The following MRPL48 variants were observed in gnomAD, a reference collection of about 807,000 sequenced individuals.
MRPL48 encodes the protein mitochondrial ribosomal protein L48, also known as large ribosomal subunit protein mL48.
In MRPL48, 16 loss-of-function variants were observed where a neutral mutation model predicts 32.9. That is an observed-to-expected ratio of 0.49 (90% CI 0.33 to 0.74). MRPL48 has a LOEUF of 0.74. Among genes scored for constraint, MRPL48 ranks in the 30% least tolerant of loss-of-function variants. The pLI, the probability that MRPL48 is intolerant of heterozygous loss-of-function variation, is 0.02. For missense variants in MRPL48, 206 were observed against 245.3 expected (o/e 0.84, Z 1.07); for synonymous variants, 94 against 89.2 (o/e 1.05, Z -0.31).
At chr11:73,863,709 G>A (rs778795256) in intron 7 of MRPL48, among the ~76,000 whole-genome samples, 21 of 152,204 alleles carry the variant, frequency 1.4e-4, no homozygotes, top group Non-Finnish European at 2.4e-4. Context: ...TGTTTGGTCA[G>A]GCATGGAAAA....
intron 3 of MRPL48, among the ~76,000 whole-genome samples, chr11:73,824,292 T>C (rs1288844953): frequency 6.6e-6 from 1 of 152,120 alleles, no homozygotes; most frequent in African/African-American, 2.4e-5. Context: ...AAGTTAGATG[T>C]TTTGTAAAAC....
intron 1 of MRPL48, among the ~76,000 whole-genome samples, chr11:73,798,804 A>G (rs986512500): frequency 8.5e-5 from 13 of 152,080 alleles, no homozygotes; most frequent in Admixed American, 4.6e-4. Flanking sequence ...AGCCTGGCCA[A>G]CATAGTGAAA....
chr11:73,864,445 T>TC lies in MRPL48; in HGVS notation c.*76dup. 6.9e-7 allele frequency: 1 copy of TC among 1,439,132 alleles called. No homozygotes were observed. The highest frequency in any genetic ancestry group is 9.7e-7 in the Non-Finnish European group (1 of 1,033,438). 89.1% of individuals were successfully genotyped at this position (1,439,132 alleles called of 1,614,324 possible). On this transcript the variant is annotated 3_prime_UTR_variant, in exon 8 of 8. Transcript: ENST00000310614. ...GAAGAGCTTACTGGGTAGTTAGAGT[T>TC]CATCAGGAGACCCAACCCTTAGATT...
chr11:73,852,393 C>CAAAAAA (rs10554131), intron 5 of MRPL48, among the ~76,000 whole-genome samples: 53 of 83,154 alleles, frequency 6.4e-4, no homozygotes, highest in Middle Eastern at 6.3e-3. Flanking sequence ...AACTCTATAG[C>CAAAAAA]AAAAAAAAAA....
chr11:73,825,536 G>A (rs369851016), intron 3 of MRPL48, among the ~76,000 whole-genome samples, 172 bp from the exon 4 acceptor site: 13 of 151,966 alleles, frequency 8.6e-5, no homozygotes, highest in African/African-American at 2.9e-4. Flanking sequence ...CGGCGGGGAG[G>A]GGGGTGTGGG....
At chr11:73,788,082 C>A (rs1947075497) in intron 1 of MRPL48, 90 bp downstream of exon 1, 2 of 1,554,318 alleles carry the variant, frequency 1.3e-6, no homozygotes, top group African/African-American at 1.4e-5. Flanking sequence ...GGGGAGGTGG[C>A]GGCGCGCGGA....
chr11:73,812,602 G>C (rs1203212399), intron 3 of MRPL48, among the ~76,000 whole-genome samples: 1 of 151,768 alleles, frequency 6.6e-6, no homozygotes, highest in African/African-American at 2.4e-5. Flanking sequence ...ATGGAAAGCT[G>C]AAGTCCCAGA....
intron 4 of MRPL48, among the ~76,000 whole-genome samples, chr11:73,828,510 G>A (rs969716770): frequency 6.6e-6 from 1 of 152,130 alleles, no homozygotes. Context: ...ACAGAGATGA[G>A]CTACCATGCC....
At position 73,843,542 on chromosome 11, in the gene MRPL48, A is replaced by T. The variant is rs1252393498; in HGVS notation, c.202-1265A>T. 2.0e-5 allele frequency among the ~76,000 whole-genome samples: 3 copies of T among 152,140 alleles called. No homozygotes were observed. In the East Asian group the frequency reaches 5.8e-4, roughly 29 times the overall value. ...CCCGGCCTTCATTTTAACTTTTTAC[A>T]GCAGCCTACACAAGTTGATATGTAG... On this transcript the variant is annotated intron_variant, in intron 4 of 7. Transcript: ENST00000310614.
At chr11:73,846,884 T>A (rs538362801) in intron 5 of MRPL48, among the ~76,000 whole-genome samples, 3 of 152,030 alleles carry the variant, frequency 2.0e-5, no homozygotes, top group East Asian at 3.9e-4. Context: ...TTTCCTGATA[T>A]GACCTAGTCC....
chr11:73,800,494 G>A lies in MRPL48; in HGVS notation c.22-4533G>A, dbSNP rs531071927. On this transcript the variant is annotated intron_variant, in intron 1 of 7. Transcript: ENST00000310614. ...TTTTGCCCTGTGACTTCAGTTTTTT[G>A]GTAGTTGTGCAGTCCTTGCTTGGTT... Among the ~76,000 whole-genome samples, 6 of 152,112 alleles carry A rather than the reference G, an allele frequency of 3.9e-5. No homozygotes were observed. The East Asian group carries it at 1.2e-3, about 29-fold the overall frequency.
chr11:73,805,064 C>A lies in MRPL48; in HGVS notation c.59C>A (p.Ala20Asp), dbSNP rs58792356. 1.9e-6 allele frequency: 3 copies of A among 1,582,468 alleles called. No homozygotes were observed. Among genetic ancestry groups the A allele is most frequent in the South Asian group, 1.2e-5 (1 of 86,576 alleles). The change falls in exon 2 of 8, where the codon GCC (alanine) becomes GAC (aspartate). Residue 20 changes from alanine (A) to aspartate (D), a missense_variant. By Grantham distance (126) the Ala-to-Asp change is moderately radical. Transcript: ENST00000310614. ...AGGAACAATACCATTTTTAAGCAAG[C>A]CTTTTCTCTCTTAAGGTAAGAATAT... ...CLRNNTIFKQ[A>D]FSLLRFRTSG...
At chr11:73,852,179 C>A (rs571074111) in intron 5 of MRPL48, among the ~76,000 whole-genome samples, 1 of 151,926 alleles carries the variant, frequency 6.6e-6, no homozygotes, top group African/African-American at 2.4e-5. Flanking sequence ...CTGAATCAAG[C>A]GGTTTGTTTA....
intron 4 of MRPL48, among the ~76,000 whole-genome samples, chr11:73,828,230 T>C (rs1947934199): frequency 3.3e-5 from 5 of 150,890 alleles, no homozygotes; most frequent in Admixed American, 3.3e-4. Flanking sequence ...AATAATTCTT[T>C]TTTTTTTTTT....
intron 1 of MRPL48, chr11:73,801,994 T>C (rs1947370009): frequency 1.3e-5 from 2 of 152,072 alleles, no homozygotes; most frequent in Non-Finnish European, 2.9e-5. Flanking sequence ...AGCATAGGGG[T>C]TCTTGGGTGA....
intron 6 of MRPL48, among the ~76,000 whole-genome samples, chr11:73,861,654 C>T (rs1159521523): frequency 2.0e-5 from 3 of 152,200 alleles, no homozygotes; most frequent in Non-Finnish European, 4.4e-5. Flanking sequence ...CAGGCATGAA[C>T]CACTGTGCCC....
At chr11:73,850,740 G>A (rs1021248596) in intron 5 of MRPL48, 28 of 211,232 alleles carry the variant, frequency 1.3e-4, no homozygotes, top group Non-Finnish European at 1.9e-4. Flanking sequence ...GCAGCGGCGC[G>A]ATCTCGACTC....
At chr11:73,799,220 C>G (rs927206490) in intron 1 of MRPL48, among the ~76,000 whole-genome samples, 1 of 151,942 alleles carries the variant, frequency 6.6e-6, no homozygotes, top group African/African-American at 2.4e-5. Context: ...AGTGTAGTGG[C>G]ACACATCTGT....
chr11:73,829,250 C>T (rs1486682026), intron 4 of MRPL48, among the ~76,000 whole-genome samples: 1 of 152,234 alleles, frequency 6.6e-6, no homozygotes, highest in Admixed American at 6.5e-5. Context: ...GCTAATTCCT[C>T]TTCAACCTTT....
Sources: gnomAD v4.1 joint callset for allele counts (sites outside exome capture counted in the v4.1 genomes callset) on GRCh38, gnomAD v4.1.1 for gene constraint, MANE v1.5 for transcripts, NCBI Gene and HGNC (gene_info 2026-07-23, HGNC 2026-07-21) for gene names.